HIGD1A: variants seen among roughly 807,000 people sequenced by gnomAD.
The protein encoded by HIGD1A is HIG1 domain family member 1A, mitochondrial.
In HIGD1A, 8 loss-of-function variants were observed where a neutral mutation model predicts 11.3. The observed-to-expected ratio is 0.71, with a 90% CI of 0.42 to 1.28. HIGD1A has a LOEUF of 1.28. HIGD1A is among the 50% of genes most tolerant of loss of function. The pLI is 0.01. For synonymous variants in HIGD1A, 32 were observed against 38.4 expected (o/e 0.83, Z 0.62); for missense variants, 107 against 118.8 (o/e 0.90, Z 0.46).
intron 2 of HIGD1A, among the ~76,000 whole-genome samples, chr3:42,788,891 A>T (rs894941172): frequency 2.0e-5 from 3 of 146,824 alleles, no homozygotes; most frequent in African/African-American, 5.0e-5. Context: ...ACTAAAAAAT[A>T]AAAAAAAAAG....
At chr3:42,803,945 C>T (rs189013354) in intron 1 of HIGD1A, among the ~76,000 whole-genome samples, 2 of 152,300 alleles carry the variant, frequency 1.3e-5, no homozygotes, top group Admixed American at 1.3e-4. Flanking sequence ...CTCAACCTCC[C>T]GACCTTCCTC....
intron 1 of HIGD1A, among the ~76,000 whole-genome samples, chr3:42,800,907 C>G (rs1260739461): frequency 6.6e-6 from 1 of 152,062 alleles, no homozygotes; most frequent in Non-Finnish European, 1.5e-5. Context: ...TCATTAAACT[C>G]CTTCCAGCTC....
chr3:42,790,040 C>A (rs12639142), intron 2 of HIGD1A, among the ~76,000 whole-genome samples: 8 of 151,490 alleles, frequency 5.3e-5, no homozygotes, highest in Admixed American at 1.3e-4. Context: ...TATTAAAAAA[C>A]GAAAAAGAGA....
In HIGD1A at chr3:42,782,986, G is replaced by A. The variant is rs1700298796; in HGVS notation, c.*2285C>T. Among the ~76,000 whole-genome samples, 1 of 152,198 alleles carries A rather than the reference G, an allele frequency of 6.6e-6. No individual in the cohort carries two copies. ...ATTATCTAGCCAAATTGTTTTTACT[G>A]TGTAAAGGCTACAGATAAACATATT... On this transcript the variant is annotated 3_prime_UTR_variant, in exon 4 of 4. Transcript: ENST00000321331.
intron 2 of HIGD1A, among the ~76,000 whole-genome samples, chr3:42,789,244 A>C (rs1212310660): frequency 1.3e-5 from 2 of 151,920 alleles, no homozygotes; most frequent in Non-Finnish European, 2.9e-5. Context: ...GTTTCCCCAC[A>C]TTGGTCAGGC....
intron 1 of HIGD1A, among the ~76,000 whole-genome samples, chr3:42,795,219 C>CT (rs5848631): frequency 0.014 from 1,848 of 127,614 alleles, 58 homozygotes; most frequent in African/African-American, 0.051. Flanking sequence ...TTATGATTAG[C>CT]TTTTTTTTTT....
intron 2 of HIGD1A, among the ~76,000 whole-genome samples, chr3:42,789,513 AT>A (rs1183151737): frequency 1.3e-4 from 16 of 123,256 alleles, no homozygotes; most frequent in Middle Eastern, 8.5e-3. Flanking sequence ...AAAAAAAAAA[AT>A]TTTAATAAAA....
chr3:42,799,715 CAA>C (rs1700531802), intron 1 of HIGD1A, among the ~76,000 whole-genome samples: 1 of 152,120 alleles, frequency 6.6e-6, no homozygotes, highest in African/African-American at 2.4e-5. Flanking sequence ...CTCAGCCTCC[CAA>C]AGTGCTAGGA....
chr3:42,785,382 C>A lies in HIGD1A; in HGVS notation c.233-62G>T, dbSNP rs968207604. Reference sequence around the variant, plus strand: ...TTTCTTAAATATTCAAAAATAAAAACCAGTTCATAAAATAGCTGAAAGTAG... The same window carrying A: ...TTTCTTAAATATTCAAAAATAAAAAACAGTTCATAAAATAGCTGAAAGTAG... On this transcript the variant is annotated intron_variant, in intron 3 of 3. Coordinates refer to ENST00000321331, the MANE Select transcript of HIGD1A (RefSeq NM_014056.4). The A allele has an allele frequency of 3.6e-6, 5 of 1,383,788 alleles. No homozygotes were observed. In the African/African-American group the frequency reaches 5.7e-5, roughly 16 times the overall value. 85.7% of individuals were successfully genotyped at this position (1,383,788 alleles called of 1,614,324 possible).
chr3:42,799,604 C>T (rs1040625449), intron 1 of HIGD1A, among the ~76,000 whole-genome samples: 4 of 138,990 alleles, frequency 2.9e-5, no homozygotes, highest in South Asian at 4.6e-4. Context: ...AGGTGTGCAC[C>T]ACCATGCCTG....
intron 1 of HIGD1A, among the ~76,000 whole-genome samples, chr3:42,794,561 A>G (rs1299062045): frequency 6.6e-6 from 1 of 152,132 alleles, no homozygotes; most frequent in Admixed American, 6.5e-5. Context: ...TTTTAAATTG[A>G]TGTTACTTTT....
Position 42,785,305 on chromosome 3 carries a change from A to G in HIGD1A, c.248T>C (p.Met83Thr). The change falls in exon 4 of 4, where the codon ATG becomes ACG. Residue 83 changes from methionine (M) to threonine (T), a missense_variant. Met to Thr is a moderately conservative substitution (Grantham distance 81). Coordinates refer to ENST00000321331, the MANE Select transcript of HIGD1A (RefSeq NM_014056.4). ...AGGTTTTGCCCAGAATTCCCGATAC[A>G]TGGAATAGCCCATACCTAAAGAAAA... is the stretch of plus-strand genomic sequence containing the variant. ...GAMTVGMGYSMYREFWAKPKP is the reference protein window; with the variant it reads ...GAMTVGMGYSTYREFWAKPKP The G allele has an allele frequency of 3.1e-6, 5 of 1,610,862 alleles. No homozygotes were observed. The highest frequency in any genetic ancestry group is 4.2e-6 in the Non-Finnish European group (5 of 1,178,766).
intron 1 of HIGD1A, among the ~76,000 whole-genome samples, chr3:42,795,314 G>A (rs1700482156): frequency 6.6e-6 from 1 of 151,454 alleles, no homozygotes; most frequent in Non-Finnish European, 1.5e-5. Flanking sequence ...TGCCTCCCAG[G>A]TTCAAGTGAT....
At chr3:42,800,340 TAAAAGAAAAAGA>T (rs199680705) in intron 1 of HIGD1A, among the ~76,000 whole-genome samples, 14 of 147,936 alleles carry the variant, frequency 9.5e-5, no homozygotes, top group East Asian at 4.0e-4. Context: ...TTTTAAAAAA[TAAAAGAAAAAGA>T]AAAAGAAAAA....
At chr3:42,804,373 C>A in intron 1 of HIGD1A, 63 bp downstream of exon 1, 1 of 555,416 alleles carries the variant, frequency 1.8e-6, no homozygotes, top group South Asian at 2.4e-5. Flanking sequence ...AAGCGCTGCC[C>A]CACTTCTTCC....
At chr3:42,802,478 TGTTA>T (rs1344060678) in intron 1 of HIGD1A, among the ~76,000 whole-genome samples, 3 of 152,236 alleles carry the variant, frequency 2.0e-5, no homozygotes, top group African/African-American at 7.2e-5. Flanking sequence ...ATCAGTTATT[TGTTA>T]TTCTGTAGTC....
Position 42,794,305 on chromosome 3 carries a change from A to C in HIGD1A, c.-22-30T>G, listed in dbSNP as rs1431202758. ...GAAAGAATTTCTATGAGGTTCTGTA[A>C]TTAAAAGCATCTGAACATTATTAAA... On this transcript the variant is annotated intron_variant, in intron 1 of 3. Transcript: ENST00000321331. 3 of 1,540,480 alleles carry C rather than the reference A, an allele frequency of 1.9e-6. No individual in the cohort carries two copies. In the East Asian group the frequency reaches 7.3e-5, roughly 37 times the overall value.
intron 2 of HIGD1A, among the ~76,000 whole-genome samples, chr3:42,789,316 T>C (rs541010238): frequency 6.6e-6 from 1 of 152,180 alleles, no homozygotes; most frequent in South Asian, 2.1e-4. Flanking sequence ...GTGCTGGGAT[T>C]ATAGGTGTGA....
chr3:42,803,967 TC>T (rs1700603391), intron 1 of HIGD1A, among the ~76,000 whole-genome samples: 1 of 152,128 alleles, frequency 6.6e-6, no homozygotes. Flanking sequence ...CCGCCTCTCT[TC>T]CTGTGACCTT....
Sources: gnomAD v4.1 joint callset for allele counts (sites outside exome capture counted in the v4.1 genomes callset) on GRCh38, gnomAD v4.1.1 for gene constraint, MANE v1.5 for transcripts, NCBI Gene and HGNC (gene_info 2026-07-23, HGNC 2026-07-21) for gene names.